Variants in SEPTIN2 observed in about 807,000 individuals in gnomAD.
SEPTIN2 encodes septin-2.
Under a neutral mutation model 46.5 loss-of-function variants are expected in SEPTIN2, and 34 were observed. The ratio of observed to expected loss-of-function variants is 0.73; its 90% CI spans 0.56 to 0.97. The LOEUF (loss-of-function observed/expected upper bound fraction) is 0.97, where lower values mean the gene tolerates loss of function less well. SEPTIN2 is among the 50% of genes least tolerant of loss of function. The probability of loss-of-function intolerance (pLI) is 0.00; values close to 1 mark genes in which losing one functional copy is unlikely to be tolerated. For synonymous variants in SEPTIN2, 175 were observed against 153.4 expected (o/e 1.14, Z -1.04); for missense variants, 347 against 448.4 (o/e 0.77, Z 2.04).
At chr2:241,316,988 C>G (rs1208654724) in intron 1 of SEPTIN2, 1 of 155,248 alleles carries the variant, frequency 6.4e-6, no homozygotes, top group Non-Finnish European at 1.4e-5. Flanking sequence ...GAGGGCAGGG[C>G]ACATGTTGTC....
chr2:241,333,542 C>T (rs779461949), intron 3 of SEPTIN2, among the ~76,000 whole-genome samples: 2 of 152,222 alleles, frequency 1.3e-5, no homozygotes, highest in Non-Finnish European at 2.9e-5. Flanking sequence ...TGGAGTCTCG[C>T]TCAGTCGCCC....
intron 3 of SEPTIN2, among the ~76,000 whole-genome samples, chr2:241,330,465 T>C (rs1371813278): frequency 3.3e-5 from 5 of 152,188 alleles, no homozygotes; most frequent in Non-Finnish European, 7.3e-5. Context: ...AGGGAGGGTT[T>C]TCTAAAGTTG....
intron 1 of SEPTIN2, chr2:241,316,401 C>A: frequency 1.1e-6 from 1 of 948,074 alleles, no homozygotes; most frequent in Non-Finnish European, 1.5e-6. Context: ...GTCTTTCTAA[C>A]GGTGCCATTT....
At chr2:241,347,773 C>T (rs1219927528) in intron 10 of SEPTIN2, among the ~76,000 whole-genome samples, 1 of 151,976 alleles carries the variant, frequency 6.6e-6, no homozygotes, top group African/African-American at 2.4e-5. Context: ...GTATTCCCAG[C>T]ACTTTGGGAG....
intron 3 of SEPTIN2, among the ~76,000 whole-genome samples, chr2:241,332,125 A>T (rs1241707702): frequency 6.6e-6 from 1 of 152,008 alleles, no homozygotes; most frequent in East Asian, 1.9e-4. Flanking sequence ...GGGCAAAAAA[A>T]TTTTTATGAC....
chr2:241,321,526 C>G (rs892134204), intron 1 of SEPTIN2, among the ~76,000 whole-genome samples: 3 of 151,674 alleles, frequency 2.0e-5, no homozygotes, highest in Non-Finnish European at 4.4e-5. Flanking sequence ...CTCTTTGTTC[C>G]TTTTGCTTTA....
chr2:241,338,955 A>T lies in SEPTIN2; in HGVS notation c.594+1165A>T, dbSNP rs1383151705. On this transcript the variant is annotated intron_variant, in intron 7 of 12. Coordinates refer to ENST00000391971, the MANE Select transcript of SEPTIN2 (RefSeq NM_004404.5). ...TATTTATTATATATATTATATATAT[A>T]ATATATATTATAAATATAATATATA... Among the ~76,000 whole-genome samples the T allele has an allele frequency of 5.6e-3, 558 of 99,690 alleles. 8 individuals are homozygous for T. Among genetic ancestry groups the T allele is most frequent in the African/African-American group, 0.02 (523 of 25,588 alleles). The allele number at this position is 99,690 out of a possible 152,430, so 65.4% of individuals were successfully genotyped here.
Position 241,342,727 on chromosome 2 carries a change from A to G in SEPTIN2, c.595-265A>G, listed in dbSNP as rs1291221012. Among the ~76,000 whole-genome samples the G allele has an allele frequency of 2.0e-5, 3 of 151,690 alleles. No individual in the cohort carries two copies. In the East Asian group the frequency reaches 5.8e-4, roughly 29 times the overall value. ...ATTTTTTTGTATTTTTAGTAGAGAC[A>G]GGGTTTCACCATGTTAGCCAGGATG... is the stretch of plus-strand genomic sequence containing the variant. On this transcript the variant is annotated intron_variant, in intron 7 of 12. Coordinates refer to ENST00000391971, the MANE Select transcript of SEPTIN2 (RefSeq NM_004404.5).
At chr2:241,344,676 C>G (rs550517274) in intron 9 of SEPTIN2, among the ~76,000 whole-genome samples, 1 of 152,226 alleles carries the variant, frequency 6.6e-6, no homozygotes, top group East Asian at 1.9e-4. Flanking sequence ...GCACTCCAGC[C>G]TGGGCGACAG....
intron 7 of SEPTIN2, among the ~76,000 whole-genome samples, chr2:241,338,486 G>A (rs1455196778): frequency 6.7e-6 from 1 of 149,742 alleles, no homozygotes; most frequent in East Asian, 1.9e-4. Flanking sequence ...ACAGTTGCTG[G>A]GGCAGGGTAG....
At chr2:241,333,755 G>C (rs888817267) in intron 3 of SEPTIN2, among the ~76,000 whole-genome samples, 13 of 151,998 alleles carry the variant, frequency 8.6e-5, no homozygotes, top group African/African-American at 3.1e-4. Context: ...CGCCTGCCTC[G>C]GCCTCCCAAA....
At chr2:241,341,811 C>T (rs887828372) in intron 7 of SEPTIN2, among the ~76,000 whole-genome samples, 1 of 152,224 alleles carries the variant, frequency 6.6e-6, no homozygotes, top group Non-Finnish European at 1.5e-5. Flanking sequence ...TCACGTTGCT[C>T]TTGTTCTCTC....
intron 1 of SEPTIN2, chr2:241,316,294 CG>C: frequency 2.4e-6 from 1 of 423,350 alleles, no homozygotes; most frequent in South Asian, 3.5e-5. Context: ...TGCTGGGCCT[CG>C]GGGCGTCGAG....
At chr2:241,329,552 G>A (rs2078634163) in intron 3 of SEPTIN2, among the ~76,000 whole-genome samples, 1 of 152,136 alleles carries the variant, frequency 6.6e-6, no homozygotes, top group Admixed American at 6.5e-5. Context: ...GTGCCATAAA[G>A]AAATAGTACT....
At chr2:241,324,070 A>G in intron 1 of SEPTIN2, 146 bp from the exon 2 acceptor site, 2 of 662,376 alleles carry the variant, frequency 3.0e-6, no homozygotes, top group South Asian at 2.0e-5. Flanking sequence ...ATGCATTTGG[A>G]AGGTCCTGAA....
chr2:241,316,533 C>T lies in SEPTIN2; in HGVS notation c.-18+551C>T, dbSNP rs913966945. 4 of 1,520,448 alleles carry T rather than the reference C, an allele frequency of 2.6e-6. No homozygotes were observed. In the South Asian group the frequency reaches 3.7e-5, roughly 14 times the overall value. 94.2% of individuals were successfully genotyped at this position (1,520,448 alleles called of 1,614,324 possible). On this transcript the variant is annotated intron_variant, in intron 1 of 12. Transcript: ENST00000391971. Reference sequence around the variant, plus strand: ...TGCGGGTACCTTCGGCGAGGAGAGGCGACGAAGGTCTGCACCAGCGAGGCA... The same window carrying T: ...TGCGGGTACCTTCGGCGAGGAGAGGTGACGAAGGTCTGCACCAGCGAGGCA...
intron 3 of SEPTIN2, among the ~76,000 whole-genome samples, chr2:241,333,578 C>T (rs111576119): frequency 0.047 from 7,165 of 152,026 alleles, 255 homozygotes; most frequent in Non-Finnish European, 0.071. Flanking sequence ...GGTGCGATCT[C>T]GGCTCACTGC....
intron 7 of SEPTIN2, among the ~76,000 whole-genome samples, chr2:241,342,182 T>A (rs1201888444): frequency 1.3e-5 from 2 of 152,344 alleles, no homozygotes; most frequent in East Asian, 3.9e-4. Flanking sequence ...TTTGAATTTC[T>A]TATTCTCAAA....
chr2:241,338,451 A>G (rs1433023378), intron 7 of SEPTIN2, among the ~76,000 whole-genome samples: 1 of 151,068 alleles, frequency 6.6e-6, no homozygotes, highest in Non-Finnish European at 1.5e-5. Flanking sequence ...TCCCTAAATG[A>G]ACATACCGAT....
Sources: gnomAD v4.1 joint callset for allele counts (sites outside exome capture counted in the v4.1 genomes callset) on GRCh38, gnomAD v4.1.1 for gene constraint, MANE v1.5 for transcripts, NCBI Gene and HGNC (gene_info 2026-07-23, HGNC 2026-07-21) for gene names.